The following SAMD5 variants were observed in gnomAD, a reference collection of about 807,000 sequenced individuals.
SAMD5 encodes sterile alpha motif domain-containing protein 5.
SAMD5 carries 13 observed loss-of-function variants against 11.3 expected under a neutral mutation model. That is an observed-to-expected ratio of 1.15 (90% CI 0.75 to 1.83). The LOEUF (loss-of-function observed/expected upper bound fraction) is 1.83, where lower values mean the gene tolerates loss of function less well. Ranked by LOEUF, SAMD5 falls within the 40% of genes most tolerant of loss-of-function variation. SAMD5 has a pLI of 0.00. For missense variants in SAMD5, 255 were observed against 239.1 expected, an observed-to-expected ratio of 1.07 and a Z score of -0.44; for synonymous variants, 129 against 111.3, an observed-to-expected ratio of 1.16 and a Z score of -1.00.
intron 1 of SAMD5, among the ~76,000 whole-genome samples, chr6:147,644,050 T>C (rs1790358438): frequency 6.6e-6 from 1 of 152,128 alleles, no homozygotes; most frequent in African/African-American, 2.4e-5. Flanking sequence ...TAGAGGTGAC[T>C]GGATGTTGAT....
intron 1 of SAMD5, among the ~76,000 whole-genome samples, chr6:147,670,564 G>C (rs535186619): frequency 2.6e-5 from 4 of 152,312 alleles, no homozygotes; most frequent in African/African-American, 9.6e-5. Context: ...ACTTGCTGCA[G>C]CTTTTCTATC....
rs1415040103 is a variant in SAMD5 at position 147,566,132 on chromosome 6, C to G, written c.*1676C>G. On this transcript the variant is annotated 3_prime_UTR_variant, in exon 2 of 2. Transcript: ENST00000367474. The stretch of plus-strand genomic sequence containing the variant: ...AAAATCTGAAGTTTAAATAGTTTAG[C>G]TATTTCTGTAGGTTAATTCAGGCAC... 1 of 982,156 alleles carries G rather than the reference C, an allele frequency of 1.0e-6. No homozygotes were observed. 60.8% of individuals were successfully genotyped at this position (982,156 alleles called of 1,614,324 possible).
intron 1 of SAMD5, among the ~76,000 whole-genome samples, chr6:147,675,017 A>G (rs1208557324): frequency 1.3e-5 from 2 of 152,176 alleles, no homozygotes; most frequent in Non-Finnish European, 2.9e-5. Context: ...CTGATCACCT[A>G]TTTGGCTTAC....
chr6:147,705,329 A>C (rs1367609790), intron 1 of SAMD5, among the ~76,000 whole-genome samples: 1 of 152,170 alleles, frequency 6.6e-6, no homozygotes, highest in African/African-American at 2.4e-5. Flanking sequence ...CAGATTTATA[A>C]ATCTCCAAGA....
intron 1 of SAMD5, among the ~76,000 whole-genome samples, chr6:147,661,553 A>G (rs553430297): frequency 6.6e-6 from 1 of 152,320 alleles, no homozygotes; most frequent in East Asian, 1.9e-4. Flanking sequence ...TGGAAGGAGC[A>G]ATGCTTAACA....
Position 147,636,861 on chromosome 6 carries a change from C to T in SAMD5, c.163-100456C>T, listed in dbSNP as rs139814443. Among the ~76,000 whole-genome samples the T allele has an allele frequency of 4.5e-4, 68 of 152,292 alleles. No homozygotes were observed. The East Asian group carries it at 0.012, about 27-fold the overall frequency. On this transcript the variant is annotated intron_variant, in intron 1 of 1. Transcript: ENST00000566741. ...CTGCTACCTACTATTGTATTATGGT[C>T]CACAGACTGATTTCAAATACTTTTC...
intron 1 of SAMD5, among the ~76,000 whole-genome samples, chr6:147,531,377 A>C (rs980234363): frequency 2.0e-5 from 3 of 151,514 alleles, no homozygotes; most frequent in Non-Finnish European, 4.4e-5. Flanking sequence ...AATCCTGCCC[A>C]AAATTGCAGT....
At chr6:147,646,008 GTCTA>G (rs1790391158) in intron 1 of SAMD5, among the ~76,000 whole-genome samples, 1 of 144,968 alleles carries the variant, frequency 6.9e-6, no homozygotes, top group Non-Finnish European at 1.5e-5. Context: ...CTGTCTGTCT[GTCTA>G]TGTATCTATC....
the SAMD5 span, among the ~76,000 whole-genome samples, chr6:147,858,691 T>C: frequency 6.6e-6 from 1 of 152,204 alleles, no homozygotes; most frequent in Admixed American, 6.5e-5. Context: ...CATCAGGCCT[T>C]AGAAATATTT....
the SAMD5 span, among the ~76,000 whole-genome samples, chr6:147,759,059 T>C: frequency 7.2e-5 from 11 of 152,170 alleles, no homozygotes; most frequent in Non-Finnish European, 1.5e-4. Flanking sequence ...TAAAATCACT[T>C]AGTAACTGCG....
At chr6:147,689,183 A>G (rs755966726) in intron 1 of SAMD5, among the ~76,000 whole-genome samples, 7 of 152,220 alleles carry the variant, frequency 4.6e-5, no homozygotes, top group Non-Finnish European at 2.9e-5. Context: ...AAATCCATTC[A>G]TGGGCCAGTA....
chr6:147,906,441 A>C, the SAMD5 span, among the ~76,000 whole-genome samples: 1 of 152,230 alleles, frequency 6.6e-6, no homozygotes, highest in Non-Finnish European at 1.5e-5. Flanking sequence ...CAGATTCTAC[A>C]GATCCTGTCT....
the SAMD5 span, among the ~76,000 whole-genome samples, chr6:147,909,683 G>A: frequency 1.3e-5 from 2 of 148,494 alleles, no homozygotes; most frequent in African/African-American, 2.5e-5. Context: ...TTTGATTGGA[G>A]CTTTAGGGTG....
chr6:147,895,233 C>T, the SAMD5 span, among the ~76,000 whole-genome samples: 1 of 151,790 alleles, frequency 6.6e-6, no homozygotes, highest in East Asian at 1.9e-4. Context: ...CCTTAAGACC[C>T]ATGAACATTA....
chr6:147,510,891 C>T (rs961516589), intron 1 of SAMD5, among the ~76,000 whole-genome samples: 1 of 152,166 alleles, frequency 6.6e-6, no homozygotes, highest in Non-Finnish European at 1.5e-5. Flanking sequence ...CAGGCAGTTG[C>T]CTGTATGTAG....
chr6:147,913,358 A>G, the SAMD5 span, among the ~76,000 whole-genome samples: 4 of 152,300 alleles, frequency 2.6e-5, no homozygotes, highest in South Asian at 6.2e-4. Context: ...TAAATGTATT[A>G]TAGGATTGAT....
At chr6:147,672,637 C>T (rs551352939) in intron 1 of SAMD5, among the ~76,000 whole-genome samples, 2 of 152,134 alleles carry the variant, frequency 1.3e-5, no homozygotes, top group Admixed American at 6.5e-5. Context: ...AAATCAGTCT[C>T]CTTATAATAG....
At position 147,509,233 on chromosome 6, in the gene SAMD5, C is replaced by G. The variant is rs1788043959; in HGVS notation, c.305C>G (p.Pro102Arg). The stretch of plus-strand genomic sequence containing the variant: ...CGCCGGGGGGAGCCGTGCGGCGGCC[C>G]GGCCCAGGGCACCCGCGGGGACTCT... ...TGRRGEPCGG[P>R]AQGTRGDSRG... is the part of the protein sequence containing the mutation. The change falls in exon 1 of 2, where the codon CCG (proline) becomes CGG (arginine). Residue 102 changes from proline (P) to arginine (R), a missense_variant. Pro to Arg is a moderately radical substitution (Grantham distance 103). Coordinates refer to ENST00000367474, the MANE Select transcript of SAMD5 (RefSeq NM_001030060.3). The G allele has an allele frequency of 7.0e-7, 1 of 1,433,168 alleles. No homozygotes were observed. The highest frequency in any genetic ancestry group is 9.2e-7 in the Non-Finnish European group (1 of 1,087,440). The allele number at this position is 1,433,168 out of a possible 1,614,324, so 88.8% of individuals were successfully genotyped here. A position where few individuals can be genotyped will look rare whatever the true frequency, so the allele number is the denominator to read the frequency against.
chr6:147,878,075 G>A, the SAMD5 span, among the ~76,000 whole-genome samples: 1 of 151,524 alleles, frequency 6.6e-6, no homozygotes, highest in East Asian at 1.9e-4. Flanking sequence ...CCATGGCCCA[G>A]CCTATATATG....
Sources: gnomAD v4.1 joint callset for allele counts (sites outside exome capture counted in the v4.1 genomes callset) on GRCh38, gnomAD v4.1.1 for gene constraint, MANE v1.5 for transcripts, NCBI Gene and HGNC (gene_info 2026-07-23, HGNC 2026-07-21) for gene names.